The following SSC4D variants were observed in gnomAD, a reference collection of about 807,000 sequenced individuals.
The protein encoded by SSC4D is scavenger receptor cysteine rich family member with 4 domains, also known as scavenger receptor cysteine-rich domain-containing group B protein.
A neutral mutation model predicts 63.4 loss-of-function variants in SSC4D; 57 were observed. The observed-to-expected ratio is 0.90, with a 90% CI of 0.73 to 1.12. The LOEUF is 1.12. Among genes scored for constraint, SSC4D ranks in the 50% most tolerant of loss-of-function variants. The pLI, the probability that SSC4D is intolerant of heterozygous loss-of-function variation, is 0.00. For missense variants in SSC4D, 791 were observed against 806.4 expected (o/e 0.98, Z 0.23); for synonymous variants, 352 against 345.4 (o/e 1.02, Z -0.21).
chr7:76,390,871 C>T (rs1804481489), intron 10 of SSC4D, among the ~76,000 whole-genome samples: 1 of 152,198 alleles, frequency 6.6e-6, no homozygotes, highest in Non-Finnish European at 1.5e-5. Flanking sequence ...CCTGCAATCC[C>T]AGCACTTTGG....
At chr7:76,395,177 C>G (rs1308330589) in intron 7 of SSC4D, 76 bp downstream of exon 7, 2 of 1,560,050 alleles carry the variant, frequency 1.3e-6, no homozygotes, top group Non-Finnish European at 1.8e-6. Context: ...GCCTGTGAAT[C>G]CAGAACATTC....
At chr7:76,397,481 C>G (rs779839858) in intron 6 of SSC4D, 37 bp downstream of exon 6, 3 of 1,450,356 alleles carry the variant, frequency 2.1e-6, no homozygotes, top group Non-Finnish European at 2.7e-6. Context: ...CCCCGCCCAC[C>G]TGCCCCGGCC....
intron 1 of SSC4D, among the ~76,000 whole-genome samples, chr7:76,405,314 T>TATATAA (rs1804975586): frequency 2.9e-5 from 2 of 69,142 alleles, no homozygotes; most frequent in Non-Finnish European, 5.4e-5. Flanking sequence ...TATATATATA[T>TATATAA]ATGTATTTTT....
chr7:76,396,904 G>A (rs1274758106), intron 6 of SSC4D, among the ~76,000 whole-genome samples: 1 of 152,182 alleles, frequency 6.6e-6, no homozygotes, highest in Non-Finnish European at 1.5e-5. Context: ...GCTAGGTAAT[G>A]CTGTGAGCAT....
Position 76,397,566 on chromosome 7 carries a change from C to T in SSC4D, c.820G>A (p.Gly274Ser). Residue 274 changes from glycine (G) to serine (S), a missense_variant, in exon 6 of 11, where the codon GGT (glycine) becomes AGT (serine). Physicochemically the swap from Gly to Ser is moderately conservative, Grantham distance 56. Coordinates refer to ENST00000275560, the MANE Select transcript of SSC4D (RefSeq NM_080744.2). The stretch of plus-strand genomic sequence containing the variant: ...TCGTGGTGGCCGCAGTTGTGCACAC[C>T]CCAGCCCAGGCTCTGGCAGGCTGCC... ...RLAACQSLGW[G>S]VHNCGHHEDA... The T allele has an allele frequency of 6.2e-7, 1 of 1,606,122 alleles. No homozygotes were observed. The highest frequency in any genetic ancestry group is 8.5e-7 in the Non-Finnish European group (1 of 1,176,690).
chr7:76,401,183 C>G, intron 2 of SSC4D, 140 bp from the exon 3 acceptor site: 1 of 1,228,468 alleles, frequency 8.1e-7, no homozygotes, highest in Non-Finnish European at 1.1e-6. Flanking sequence ...TTGCCAAAGC[C>G]CCATTGTCTC....
chr7:76,398,607 T>C, intron 5 of SSC4D, 113 bp downstream of exon 5: 1 of 1,250,694 alleles, frequency 8.0e-7, no homozygotes, highest in Non-Finnish European at 1.1e-6. Context: ...GCCCAGCCAT[T>C]TTCTCTAACT....
intron 7 of SSC4D, among the ~76,000 whole-genome samples, chr7:76,394,815 G>GTATAATATATATGATATATATAAGATATA (rs1804597362): frequency 7.6e-6 from 1 of 132,426 alleles, no homozygotes; most frequent in Non-Finnish European, 1.6e-5. Flanking sequence ...TAAAATATGT[G>GTATAATATATATGATATATATAAGATATA]TATAATATAT....
intron 1 of SSC4D, among the ~76,000 whole-genome samples, chr7:76,408,541 G>A (rs1270747886): frequency 6.6e-6 from 1 of 152,142 alleles, no homozygotes; most frequent in African/African-American, 2.4e-5. Context: ...CTGGGGACAG[G>A]CAACTTCCAG....
rs140210922 is a variant in SSC4D at position 76,401,613 on chromosome 7, C to T, written c.134-570G>A. Among the ~76,000 whole-genome samples the T allele has an allele frequency of 8.2e-3, 1,245 of 152,228 alleles. 20 individuals carry two copies. Among genetic ancestry groups the T allele is most frequent in the African/African-American group, 0.028 (1,169 of 41,538 alleles). ...TGTATTTTTAGTAGAGATGGGGTTTCGCCATGTTGGCCAGGCTGGTCTTGA... is the reference window on the plus strand; with the variant it reads ...TGTATTTTTAGTAGAGATGGGGTTTTGCCATGTTGGCCAGGCTGGTCTTGA... On this transcript the variant is annotated intron_variant, in intron 2 of 10. Transcript: ENST00000275560.
Position 76,393,614 on chromosome 7 carries a change from A to T in SSC4D, c.1124T>A (p.Phe375Tyr). ...WGTVCDDDWD[F>Y]ADARVACREA... is the part of the protein sequence containing the mutation. ...GCGGCAGGCCACGCGCGCGTCCGCA[A>T]AGTCCCAGTCATCGTCGCACACGGT... The change falls in exon 9 of 11, where the codon TTT becomes TAT. Residue 375 changes from phenylalanine to tyrosine, a missense_variant. By Grantham distance (22) the Phe-to-Tyr change is conservative. Transcript: ENST00000275560. 6.7e-7 allele frequency: 1 copy of T among 1,503,666 alleles called. No individual in the cohort carries two copies. The highest frequency in any genetic ancestry group is 8.8e-7 in the Non-Finnish European group (1 of 1,132,778). The allele number at this position is 1,503,666 out of a possible 1,614,324, so 93.1% of individuals were successfully genotyped here.
chr7:76,404,182 G>A (rs913722295), intron 2 of SSC4D, 125 bp downstream of exon 2: 2 of 1,345,022 alleles, frequency 1.5e-6, no homozygotes, highest in Non-Finnish European at 2.0e-6. Context: ...TCTGGGCAAA[G>A]GTCAGCATTG....
chr7:76,393,867 T>C lies in SSC4D; in HGVS notation c.984A>G (p.Ala328=). ...GVGPQPSRET[A]LLTTAAWAAG... is the part of the protein sequence containing the mutation. ...CGGCCCAGGCGGCGGTGGTGAGCAGTGCTGTCTCCCGGGAAGGCTGGGGGC... is the reference window on the plus strand; with the variant it reads ...CGGCCCAGGCGGCGGTGGTGAGCAGCGCTGTCTCCCGGGAAGGCTGGGGGC... Residue 328 remains alanine, a synonymous_variant, in exon 8 of 11, where the codon GCA becomes GCG. Coordinates refer to ENST00000275560, the MANE Select transcript of SSC4D (RefSeq NM_080744.2). 6.2e-7 allele frequency: 1 copy of C among 1,607,218 alleles called. No individual in the cohort carries two copies. Among genetic ancestry groups the C allele is most frequent in the Non-Finnish European group, 8.5e-7 (1 of 1,176,668 alleles).
rs76847249 is a variant in SSC4D, at chr7:76,396,138, A to C, written c.869-808T>G. Among the ~76,000 whole-genome samples, 292 of 152,342 alleles carry C rather than the reference A, an allele frequency of 1.9e-3. 3 individuals carry two copies. The highest frequency in any genetic ancestry group is 6.9e-3 in the African/African-American group (286 of 41,592). ...AAGTGAAAAAACAAAAAACAAAAAA[A>C]CAACTAATCTCTTGAGTGGGGAATG... is the stretch of plus-strand genomic sequence containing the variant. On this transcript the variant is annotated intron_variant, in intron 6 of 10. Transcript: ENST00000275560.
At position 76,400,234 on chromosome 7, in the gene SSC4D, C is replaced by T. The variant is rs1021511259; in HGVS notation, c.475+52G>A. 30 of 1,430,520 alleles carry T rather than the reference C, an allele frequency of 2.1e-5. No individual in the cohort carries two copies. In the Admixed American group the frequency reaches 6.1e-4, roughly 29 times the overall value. The allele number at this position is 1,430,520 out of a possible 1,614,324, so 88.6% of individuals were successfully genotyped here. A position where few individuals can be genotyped will look rare whatever the true frequency, so the allele number is the denominator to read the frequency against. On this transcript the variant is annotated intron_variant, in intron 4 of 10. Coordinates refer to ENST00000275560, the MANE Select transcript of SSC4D (RefSeq NM_080744.2). ...CCCTTCATTTATCTAGCCTACAGCC[C>T]TGCTGCCTGCCACAGTCTGTCTGTC... is the stretch of plus-strand genomic sequence containing the variant.
At chr7:76,390,438 T>C (rs529962726) in intron 10 of SSC4D, 63 bp from the exon 11 acceptor site, 53 of 1,469,888 alleles carry the variant, frequency 3.6e-5, no homozygotes, top group Non-Finnish European at 4.6e-5. Context: ...CCAAGCTAGG[T>C]CAGGTTGGCA....
At chr7:76,395,703 T>A (rs1003458952) in intron 6 of SSC4D, among the ~76,000 whole-genome samples, 1 of 149,116 alleles carries the variant, frequency 6.7e-6, no homozygotes, top group African/African-American at 2.4e-5. Context: ...CTCTTTTCTT[T>A]TTTTTGAGAT....
intron 1 of SSC4D, among the ~76,000 whole-genome samples, chr7:76,405,345 T>TCTTTCTTTC (rs1364831511): frequency 7.6e-5 from 8 of 105,176 alleles, no homozygotes; most frequent in Non-Finnish European, 1.4e-4. Context: ...CTTTCTTTTT[T>TCTTTCTTTC]TTTTTTTTTT....
At chr7:76,406,049 G>C (rs1204879774) in intron 1 of SSC4D, among the ~76,000 whole-genome samples, 1 of 151,560 alleles carries the variant, frequency 6.6e-6, no homozygotes, top group African/African-American at 2.4e-5. Flanking sequence ...GCAATGGTGC[G>C]ATCTCCGTTC....
Sources: allele counts gnomAD v4.1 joint callset (sites outside exome capture counted in the v4.1 genomes callset), GRCh38; gene constraint gnomAD v4.1.1; transcripts MANE v1.5; gene names NCBI Gene and HGNC (gene_info 2026-07-23, HGNC 2026-07-21).